FANCA: variants seen among roughly 807,000 people sequenced by gnomAD.
FANCA encodes the protein FA complementation group A.
Under a neutral mutation model 194.3 loss-of-function variants are expected in FANCA, and 236 were observed. The observed-to-expected ratio is 1.21, with a 90% CI of 1.09 to 1.35. The LOEUF is 1.35. FANCA is among the 40% of genes most tolerant of loss of function. The pLI is 0.00. For missense variants in FANCA, 2,628 were observed against 1,813.9 expected (o/e 1.45, Z -8.15); for synonymous variants, 1,014 against 715.8 (o/e 1.42, Z -6.65).
At chr16:89,764,743 G>C (rs1315958443) in intron 28 of FANCA, 147 bp downstream of exon 28, 3 of 965,008 alleles carry the variant, frequency 3.1e-6, no homozygotes, top group Non-Finnish European at 5.0e-6. Context: ...CGAGGAGACA[G>C]TCGGCACACA....
intron 29 of FANCA, among the ~76,000 whole-genome samples, chr16:89,761,179 G>T (rs955579087): frequency 1.3e-5 from 2 of 152,184 alleles, no homozygotes; most frequent in African/African-American, 2.4e-5. Context: ...CAGCACTTTG[G>T]GAGGCCAAGG....
intron 17 of FANCA, among the ~76,000 whole-genome samples, chr16:89,781,905 G>GC (rs2039723352): frequency 7.1e-6 from 1 of 141,254 alleles, no homozygotes; most frequent in Non-Finnish European, 1.5e-5. Context: ...TACTCGGGAG[G>GC]CTGAGGCAGG....
intron 31 of FANCA, among the ~76,000 whole-genome samples, chr16:89,750,549 G>A (rs1045714518): frequency 3.3e-5 from 5 of 151,790 alleles, no homozygotes; most frequent in Admixed American, 1.3e-4. Context: ...AGAACTTTGG[G>A]AGGCCAAGAC....
At chr16:89,807,353 A>C (rs941636183) in intron 6 of FANCA, among the ~76,000 whole-genome samples, 1 of 152,004 alleles carries the variant, frequency 6.6e-6, no homozygotes, top group Admixed American at 6.6e-5. Context: ...GCTACTGAGG[A>C]GGCAGGGGCA....
intron 32 of FANCA, 99 bp from the exon 33 acceptor site, chr16:89,748,866 C>G (rs2038482756): frequency 1.0e-6 from 1 of 963,000 alleles, no homozygotes; most frequent in South Asian, 1.4e-5. Flanking sequence ...ACCCTGAAAC[C>G]CAGGGCCACT....
At chr16:89,798,098 T>C (rs2040310086) in intron 10 of FANCA, among the ~76,000 whole-genome samples, 1 of 152,086 alleles carries the variant, frequency 6.6e-6, no homozygotes, top group African/African-American at 2.4e-5. Flanking sequence ...GGGGTGTTGA[T>C]AAGGCTGAGG....
chr16:89,750,408 G>A (rs1012526281), intron 31 of FANCA, among the ~76,000 whole-genome samples: 2 of 151,958 alleles, frequency 1.3e-5, no homozygotes, highest in South Asian at 2.1e-4. Context: ...GCGTGAACCC[G>A]GGAGGTGGAG....
chr16:89,787,638 A>T (rs542812825), intron 14 of FANCA, among the ~76,000 whole-genome samples: 1,627 of 152,076 alleles, frequency 0.011, 11 homozygotes, highest in Non-Finnish European at 0.018. Context: ...CGGGAAGTTG[A>T]GGTGGGAGGA....
intron 14 of FANCA, among the ~76,000 whole-genome samples, chr16:89,785,566 AGGGGGCTGCAGCAAAGTCCT>A (rs1251935497): frequency 1.3e-5 from 2 of 152,276 alleles, no homozygotes; most frequent in African/African-American, 4.8e-5. Context: ...CCAGGAACGA[AGGGGGCTGCAGCAAAGTCCT>A]GGGGGCTGCA....
chr16:89,762,974 G>A (rs186651270), intron 28 of FANCA, among the ~76,000 whole-genome samples: 1 of 149,474 alleles, frequency 6.7e-6, no homozygotes, highest in African/African-American at 2.5e-5. Flanking sequence ...AGGGTTGGGC[G>A]TGGTGGCTCA....
chr16:89,811,354 C>T (rs1460900109), intron 3 of FANCA, among the ~76,000 whole-genome samples: 2 of 152,232 alleles, frequency 1.3e-5, no homozygotes, highest in Admixed American at 1.3e-4. Context: ...GAAATATATT[C>T]TGACCAAGAA....
chr16:89,739,246 C>T lies in FANCA; in HGVS notation c.4054G>A (p.Ala1352Thr). 1 of 1,614,136 alleles carries T rather than the reference C, an allele frequency of 6.2e-7. No individual in the cohort carries two copies. The highest frequency in any genetic ancestry group is 8.5e-7 in the Non-Finnish European group (1 of 1,180,038). Residue 1352 changes from alanine to threonine, a missense_variant, in exon 41 of 43, where the codon GCC (alanine) becomes ACC (threonine). Physicochemically the swap from Ala to Thr is moderately conservative, Grantham distance 58 (BLOSUM62 0). Coordinates refer to ENST00000389301, the MANE Select transcript of FANCA (RefSeq NM_000135.4). ...FHEDAAIREE[A>T]FLHVAVDMYL... ...ATGTCCACAGCAACATGCAGGAAGGCCTCTTCCCTGATGGCCGCGTCTTCA... is the reference window on the plus strand; with the variant it reads ...ATGTCCACAGCAACATGCAGGAAGGTCTCTTCCCTGATGGCCGCGTCTTCA...
Position 89,808,292 on chromosome 16 carries a change from A to T in FANCA, c.596+2T>A. On this transcript the variant is annotated splice_donor_variant, in intron 6 of 42. Transcript: ENST00000389301. LOFTEE classifies it high-confidence loss of function. The stretch of plus-strand genomic sequence containing the variant: ...AACACTGAATCATCATTAGCACGCT[A>T]CCTTTCCAGCAGCTCTTGCAGGCTC... 1 of 1,613,800 alleles carries T rather than the reference A, an allele frequency of 6.2e-7. No homozygotes were observed. Among genetic ancestry groups the T allele is most frequent in the African/African-American group, 1.3e-5 (1 of 75,038 alleles).
chr16:89,781,363 C>CAAAAACAAAAA (rs1567627447), intron 17 of FANCA, among the ~76,000 whole-genome samples: 14 of 60,348 alleles, frequency 2.3e-4, no homozygotes, highest in Non-Finnish European at 4.1e-4. Context: ...GACTCCATTC[C>CAAAAACAAAAA]AAAAAAAAAA....
At position 89,756,980 on chromosome 16, in the gene FANCA, A is replaced by T. The variant is rs774865462; in HGVS notation, c.2981+1597T>A. Among the ~76,000 whole-genome samples the T allele has an allele frequency of 3.1e-4, 47 of 152,038 alleles. 1 individual carries two copies. Among genetic ancestry groups the T allele is most frequent in the Admixed American group, 9.8e-4 (15 of 15,236 alleles). On this transcript the variant is annotated intron_variant, in intron 30 of 42. Transcript: ENST00000389301. ...CTAACCGCTGGATTTATGGTGGAAG[A>T]TTTGCTTTTTTGTTTTGAGATGGAG...
At chr16:89,800,357 G>A (rs1465852662) in intron 8 of FANCA, among the ~76,000 whole-genome samples, 1 of 152,208 alleles carries the variant, frequency 6.6e-6, no homozygotes, top group African/African-American at 2.4e-5. Flanking sequence ...ACTACTCAGA[G>A]AGCAACTCAT....
At chr16:89,780,264 G>C (rs1366567310) in intron 17 of FANCA, among the ~76,000 whole-genome samples, 1 of 152,122 alleles carries the variant, frequency 6.6e-6, no homozygotes, top group Non-Finnish European at 1.5e-5. Flanking sequence ...CCTGCCTCCA[G>C]GAAAGAGTTG....
rs1056948745 is a variant in FANCA at position 89,779,907 on chromosome 16, C to G, written c.1677G>C (p.Glu559Asp). The G allele has an allele frequency of 6.2e-7, 1 of 1,614,140 alleles. No homozygotes were observed. The highest frequency in any genetic ancestry group is 8.5e-7 in the Non-Finnish European group (1 of 1,180,050). ...CGGTGACTGGGATGTTCCCCGTATGCTCAAACACCATGATGGCCTTTTCAA... is the reference window on the plus strand; with the variant it reads ...CGGTGACTGGGATGTTCCCCGTATGGTCAAACACCATGATGGCCTTTTCAA... ...QDVEKAIMVF[E>D]HTGNIPVTVM... is the part of the protein sequence containing the mutation. Residue 559 changes from glutamate (E) to aspartate (D), a missense_variant, in exon 18 of 43, where the codon GAG becomes GAC. By Grantham distance (45) the Glu-to-Asp change is conservative. Coordinates refer to ENST00000389301, the MANE Select transcript of FANCA (RefSeq NM_000135.4).
At chr16:89,748,071 C>A (rs1339865713) in intron 33 of FANCA, among the ~76,000 whole-genome samples, 1 of 152,124 alleles carries the variant, frequency 6.6e-6, no homozygotes, top group East Asian at 1.9e-4. Flanking sequence ...ACCACCATAC[C>A]CAGCTAATTT....
Sources: gnomAD v4.1 joint callset for allele counts (sites outside exome capture counted in the v4.1 genomes callset) on GRCh38, gnomAD v4.1.1 for gene constraint, MANE v1.5 for transcripts, NCBI Gene and HGNC (gene_info 2026-07-23, HGNC 2026-07-21) for gene names.